The following ADCY7 variants were observed in gnomAD, a reference collection of about 807,000 sequenced individuals.
ADCY7 encodes the protein adenylate cyclase type 7.
In ADCY7, 72 loss-of-function variants were observed where a neutral mutation model predicts 120.6. That is an observed-to-expected ratio of 0.60 (90% CI 0.49 to 0.73). ADCY7 has a LOEUF of 0.73. Among genes scored for constraint, ADCY7 ranks in the 30% least tolerant of loss-of-function variants. ADCY7 has a pLI of 0.00. For missense variants in ADCY7, 1,227 were observed against 1,486.0 expected (o/e 0.83, Z 2.87); for synonymous variants, 661 against 628.0 (o/e 1.05, Z -0.78).
At chr16:50,305,098 A>G in intron 12 of ADCY7, 139 bp downstream of exon 12, 2 of 1,107,436 alleles carry the variant, frequency 1.8e-6, no homozygotes, top group Non-Finnish European at 2.7e-6. Flanking sequence ...GCTTGGGTCA[A>G]AGCATTTCTA....
At chr16:50,310,581 G>A in intron 18 of ADCY7, 106 bp from the exon 19 acceptor site, 1 of 1,581,822 alleles carries the variant, frequency 6.3e-7, no homozygotes, top group Admixed American at 1.8e-5. Flanking sequence ...TAAGGCAAGA[G>A]CGTGATGCTG....
intron 1 of ADCY7, among the ~76,000 whole-genome samples, chr16:50,247,514 G>A (rs1013685805): frequency 6.1e-5 from 9 of 148,664 alleles, no homozygotes; most frequent in South Asian, 2.1e-4. Context: ...ACAGGTGTGC[G>A]CCACCACGCC....
chr16:50,292,173 G>A (rs1328311562), intron 4 of ADCY7, among the ~76,000 whole-genome samples: 2 of 152,254 alleles, frequency 1.3e-5, no homozygotes, highest in African/African-American at 2.4e-5. Context: ...GGACACTGTC[G>A]TGGGGTGAGT....
intron 23 of ADCY7, 97 bp downstream of exon 23, chr16:50,314,159 G>C (rs888514525): frequency 2.1e-6 from 3 of 1,417,660 alleles, no homozygotes. Context: ...CGTCCTGGGG[G>C]AGGGGCACAG....
chr16:50,295,343 T>A (rs1362341368), intron 7 of ADCY7, among the ~76,000 whole-genome samples: 1 of 130,712 alleles, frequency 7.7e-6, no homozygotes, highest in Non-Finnish European at 1.6e-5. Context: ...CACGCCTGGC[T>A]AATTTTTTTT....
rs745618729 is a variant in ADCY7, at chr16:50,315,577, T to G, written c.*72T>G. The G allele has an allele frequency of 1.9e-5, 30 of 1,559,998 alleles. No homozygotes were observed. In the Admixed American group the frequency reaches 2.4e-4, roughly 13 times the overall value. ...CTGAAGCAAGCCCAGGAGAAGACTC[T>G]CCGCCCCACGCCAATCCCAAAGGCA... On this transcript the variant is annotated 3_prime_UTR_variant, in exon 26 of 26. Coordinates refer to ENST00000673801, the MANE Select transcript of ADCY7 (RefSeq NM_001114.5).
intron 17 of ADCY7, chr16:50,309,106 G>C (rs893518136): frequency 6.2e-5 from 21 of 341,142 alleles, no homozygotes; most frequent in Admixed American, 3.1e-4. Flanking sequence ...ATGAACCCTT[G>C]CTCCTCTGCT....
intron 1 of ADCY7, among the ~76,000 whole-genome samples, chr16:50,267,281 G>A (rs1265979932): frequency 1.3e-5 from 2 of 152,224 alleles, no homozygotes; most frequent in Non-Finnish European, 2.9e-5. Flanking sequence ...TCTTTCTGGA[G>A]CTTTCTATGC....
intron 1 of ADCY7, among the ~76,000 whole-genome samples, chr16:50,259,886 A>G (rs1295912440): frequency 1.3e-5 from 2 of 152,192 alleles, no homozygotes; most frequent in Admixed American, 6.5e-5. Context: ...ATCCCTGCAC[A>G]TCCCTGAGCC....
rs202013636 is a variant in ADCY7 at position 50,292,841 on chromosome 16, C to A, written c.687+16C>A. ...GCGCCAGCAGGTGGGACCCGGCCCC[C>A]ACTCCTCACCCTGTACACCCCTGTC... On this transcript the variant is annotated intron_variant, in intron 5 of 25. Coordinates refer to ENST00000673801, the MANE Select transcript of ADCY7 (RefSeq NM_001114.5). The A allele has an allele frequency of 1.2e-6, 2 of 1,611,660 alleles. No individual in the cohort carries two copies. The highest frequency in any genetic ancestry group is 1.3e-5 in the African/African-American group (1 of 75,042).
At chr16:50,299,312 C>A (rs2035562229) in intron 8 of ADCY7, among the ~76,000 whole-genome samples, 1 of 152,192 alleles carries the variant, frequency 6.6e-6, no homozygotes, top group Non-Finnish European at 1.5e-5. Context: ...CCGCTCCCCT[C>A]AAGGATGGGG....
intron 1 of ADCY7, among the ~76,000 whole-genome samples, chr16:50,249,651 C>T (rs1440378768): frequency 6.6e-6 from 1 of 152,238 alleles, no homozygotes; most frequent in African/African-American, 2.4e-5. Context: ...CACTCCTGGC[C>T]CCAGCCCTCT....
intron 1 of ADCY7, among the ~76,000 whole-genome samples, chr16:50,270,367 T>C (rs2033483369): frequency 6.6e-6 from 1 of 152,212 alleles, no homozygotes; most frequent in African/African-American, 2.4e-5. Context: ...CAGGCAGAAC[T>C]GGACTGTGCT....
chr16:50,270,975 A>G (rs1660666078), intron 1 of ADCY7, among the ~76,000 whole-genome samples: 1 of 152,086 alleles, frequency 6.6e-6, no homozygotes, highest in Non-Finnish European at 1.5e-5. Flanking sequence ...CCGGCTTGCC[A>G]TAGGCATCTG....
chr16:50,282,037 C>T (rs951014886), intron 1 of ADCY7, among the ~76,000 whole-genome samples: 1 of 152,150 alleles, frequency 6.6e-6, no homozygotes, highest in African/African-American at 2.4e-5. Context: ...GGGGCCTGAG[C>T]GGGGCCTCTT....
At chr16:50,284,157 G>T (rs77120306) in intron 1 of ADCY7, among the ~76,000 whole-genome samples, 3,013 of 152,210 alleles carry the variant, frequency 0.02, 119 homozygotes, top group African/African-American at 0.068. Flanking sequence ...GCTGGCCTGG[G>T]GACATGCCAC....
intron 24 of ADCY7, 135 bp from the exon 25 acceptor site, chr16:50,314,879 G>T: frequency 7.8e-7 from 1 of 1,283,228 alleles, no homozygotes; most frequent in Non-Finnish European, 1.1e-6. Context: ...AGTGACTCTG[G>T]GAAGCAACCC....
At position 50,312,916 on chromosome 16, in the gene ADCY7, C is replaced by T. The variant is rs146432353; in HGVS notation, c.2631C>T (p.Cys877=). 20 of 1,614,144 alleles carry T rather than the reference C, an allele frequency of 1.2e-5. No individual in the cohort carries two copies. Among genetic ancestry groups the T allele is most frequent in the Admixed American group, 8.3e-5 (5 of 60,030 alleles). The change falls in exon 22 of 26, where the codon TGC becomes TGT. Residue 877 remains cysteine, a synonymous_variant. Transcript: ENST00000673801. ...ACTGGTACCATCAGTCCTATGACTGCGTCTGTGTCATGTTTGCCTCCGTGC... is the reference window on the plus strand; with the variant it reads ...ACTGGTACCATCAGTCCTATGACTGTGTCTGTGTCATGTTTGCCTCCGTGC... ...NEDWYHQSYD[C]VCVMFASVPD...
intron 1 of ADCY7, among the ~76,000 whole-genome samples, chr16:50,278,917 G>C (rs2034080886): frequency 1.3e-5 from 2 of 150,446 alleles, no homozygotes; most frequent in Admixed American, 1.3e-4. Context: ...TGTTGCCCAG[G>C]CTGGAGTACA....
Sources: gnomAD v4.1 joint callset for allele counts (sites outside exome capture counted in the v4.1 genomes callset) on GRCh38, gnomAD v4.1.1 for gene constraint, MANE v1.5 for transcripts, NCBI Gene and HGNC (gene_info 2026-07-23, HGNC 2026-07-21) for gene names.